The following RALGAPA2 variants were observed in gnomAD, a reference collection of about 807,000 sequenced individuals.
RALGAPA2 encodes the protein Ral GTPase activating protein catalytic subunit alpha 2, also known as ral GTPase-activating protein subunit alpha-2.
A neutral mutation model predicts 230.4 loss-of-function variants in RALGAPA2; 139 were observed. The observed-to-expected ratio is 0.60, with a 90% CI of 0.53 to 0.69. The LOEUF is 0.69. Ranked by LOEUF, RALGAPA2 falls within the 30% of genes least tolerant of loss-of-function variation. The probability of loss-of-function intolerance (pLI) is 0.00; values close to 1 mark genes in which losing one functional copy is unlikely to be tolerated. For missense variants in RALGAPA2, 2,163 were observed against 2,276.0 expected, an observed-to-expected ratio of 0.95 and a Z score of 1.01; for synonymous variants, 847 against 837.8, an observed-to-expected ratio of 1.01 and a Z score of -0.19.
rs555468928 is a variant in RALGAPA2 at position 20,606,686 on chromosome 20, T to TC, written c.1801-1275dup. ...AAGTGTCCTCCAGGTCCCTGCATTT[T>TC]CCCCCCATCAATGCACCTATCACAC... is the stretch of plus-strand genomic sequence containing the variant. On this transcript the variant is annotated intron_variant, in intron 14 of 39. Transcript: ENST00000202677. Among the ~76,000 whole-genome samples the TC allele has an allele frequency of 3.9e-4, 60 of 152,174 alleles. 2 individuals are homozygous for TC. The South Asian group carries it at 0.012, about 32-fold the overall frequency.
chr20:20,701,607 G>C (rs2069367395), intron 1 of RALGAPA2, among the ~76,000 whole-genome samples: 1 of 152,192 alleles, frequency 6.6e-6, no homozygotes, highest in African/African-American at 2.4e-5. Context: ...GCACATGCCT[G>C]TAATCCCAGC....
At chr20:20,627,574 C>A (rs141794312) in intron 10 of RALGAPA2, among the ~76,000 whole-genome samples, 225 of 152,286 alleles carry the variant, frequency 1.5e-3, no homozygotes, top group African/African-American at 5.2e-3. Context: ...TCTAAAAGCC[C>A]TCTCAGTAAA....
chr20:20,568,222 T>A (rs1455863401), intron 23 of RALGAPA2, among the ~76,000 whole-genome samples: 2 of 152,156 alleles, frequency 1.3e-5, no homozygotes, highest in African/African-American at 4.8e-5. Context: ...TTAAAAAAAA[T>A]TCATTGTCAA....
intron 37 of RALGAPA2, among the ~76,000 whole-genome samples, chr20:20,453,751 C>T (rs1035392521): frequency 6.6e-5 from 10 of 152,172 alleles, no homozygotes; most frequent in African/African-American, 2.2e-4. Context: ...GGGTGGGCAC[C>T]GGGCCTTCCA....
intron 3 of RALGAPA2, among the ~76,000 whole-genome samples, chr20:20,663,767 T>C (rs993026215): frequency 6.6e-6 from 1 of 152,158 alleles, no homozygotes. Context: ...AATTATTGTA[T>C]TTTTAGTACA....
At chr20:20,498,172 C>A (rs966996825) in intron 35 of RALGAPA2, among the ~76,000 whole-genome samples, 1 of 152,136 alleles carries the variant, frequency 6.6e-6, no homozygotes, top group Non-Finnish European at 1.5e-5. Context: ...AATTAGAAAC[C>A]CATCAGTGAG....
intron 23 of RALGAPA2, among the ~76,000 whole-genome samples, chr20:20,567,222 A>G (rs1396482282): frequency 6.6e-6 from 1 of 152,238 alleles, no homozygotes; most frequent in Non-Finnish European, 1.5e-5. Flanking sequence ...TTTCCATTTC[A>G]CACATATTGA....
intron 20 of RALGAPA2, among the ~76,000 whole-genome samples, chr20:20,581,578 C>CTTATCGAGAA (rs1442302573): frequency 2.6e-5 from 4 of 152,170 alleles, no homozygotes; most frequent in African/African-American, 4.8e-5. Context: ...CTAAAACAGA[C>CTTATCGAGAA]ATGATAAGAC....
intron 37 of RALGAPA2, among the ~76,000 whole-genome samples, chr20:20,462,432 A>G (rs2061324010): frequency 6.6e-6 from 1 of 152,182 alleles, no homozygotes; most frequent in Non-Finnish European, 1.5e-5. Context: ...GGAGGAGAAA[A>G]GGGAGTGGGC....
At chr20:20,541,367 G>A (rs931368298) in intron 24 of RALGAPA2, among the ~76,000 whole-genome samples, 1 of 152,124 alleles carries the variant, frequency 6.6e-6, no homozygotes, top group Non-Finnish European at 1.5e-5. Flanking sequence ...TTATAAATTA[G>A]GCAGAGTAAG....
At chr20:20,425,405 T>C (rs1360593343) in intron 37 of RALGAPA2, among the ~76,000 whole-genome samples, 1 of 152,242 alleles carries the variant, frequency 6.6e-6, no homozygotes, top group African/African-American at 2.4e-5. Flanking sequence ...TAGCTTTATT[T>C]GTTTTTTCTT....
intron 9 of RALGAPA2, among the ~76,000 whole-genome samples, chr20:20,630,041 C>A (rs963817509): frequency 1.3e-5 from 2 of 152,152 alleles, no homozygotes; most frequent in African/African-American, 4.8e-5. Flanking sequence ...TATGACTAAG[C>A]GGCAGCTTGA....
At chr20:20,436,591 C>CACCA (rs1181863920) in intron 37 of RALGAPA2, among the ~76,000 whole-genome samples, 2 of 152,206 alleles carry the variant, frequency 1.3e-5, no homozygotes, top group Non-Finnish European at 2.9e-5. Flanking sequence ...AGGCATAGAA[C>CACCA]ACCAGCCCAG....
At chr20:20,515,046 G>A (rs1369059400) in intron 31 of RALGAPA2, among the ~76,000 whole-genome samples, 13 of 152,164 alleles carry the variant, frequency 8.5e-5, no homozygotes, top group Non-Finnish European at 4.4e-5. Flanking sequence ...TGTCCAGTCT[G>A]GCTCAACCCA....
intron 3 of RALGAPA2, among the ~76,000 whole-genome samples, chr20:20,666,403 C>T: frequency 6.6e-6 from 1 of 152,164 alleles, no homozygotes; most frequent in Non-Finnish European, 1.5e-5. Context: ...TCAATAAGAA[C>T]TTAAATTCCA....
intron 10 of RALGAPA2, among the ~76,000 whole-genome samples, chr20:20,622,800 G>A (rs917255595): frequency 1.3e-5 from 2 of 152,000 alleles, no homozygotes; most frequent in Non-Finnish European, 2.9e-5. Flanking sequence ...ACATATATAT[G>A]AAAATATATA....
intron 3 of RALGAPA2, among the ~76,000 whole-genome samples, chr20:20,671,502 C>T (rs1336798264): frequency 1.3e-5 from 2 of 152,132 alleles, no homozygotes; most frequent in Non-Finnish European, 2.9e-5. Context: ...GGGCACTATC[C>T]TACAAAGCAG....
Position 20,600,916 on chromosome 20 carries a change from A to T in RALGAPA2, c.2203+766T>A, listed in dbSNP as rs2207505. Among the ~76,000 whole-genome samples, 1,089 of 152,302 alleles carry T rather than the reference A, an allele frequency of 7.2e-3. 9 individuals carry two copies. Among genetic ancestry groups the T allele is most frequent in the African/African-American group, 0.025 (1,045 of 41,548 alleles). On this transcript the variant is annotated intron_variant, in intron 16 of 39. Coordinates refer to ENST00000202677, the MANE Select transcript of RALGAPA2 (RefSeq NM_020343.4). Reference sequence around the variant, plus strand: ...GGAATTCGAGACCAGCCTGACCAACATGGTGAAACCCTGTTTCTACTAAAA... The same window carrying T: ...GGAATTCGAGACCAGCCTGACCAACTTGGTGAAACCCTGTTTCTACTAAAA...
At chr20:20,439,006 A>C (rs1034600997) in intron 37 of RALGAPA2, among the ~76,000 whole-genome samples, 4 of 152,198 alleles carry the variant, frequency 2.6e-5, no homozygotes, top group African/African-American at 7.2e-5. Context: ...TCATTAGGCC[A>C]CTGTCTCTAG....
Sources: gnomAD v4.1 joint callset for allele counts (sites outside exome capture counted in the v4.1 genomes callset) on GRCh38, gnomAD v4.1.1 for gene constraint, MANE v1.5 for transcripts, NCBI Gene and HGNC (gene_info 2026-07-23, HGNC 2026-07-21) for gene names.